Variants in SYTL5 observed in about 807,000 individuals in gnomAD.
SYTL5 encodes synaptotagmin like 5.
SYTL5 carries 34 observed loss-of-function variants against 55.9 expected under a neutral mutation model. The observed-to-expected ratio is 0.61, with a 90% confidence interval of 0.46 to 0.81. The LOEUF is 0.81. Ranked by LOEUF, SYTL5 falls within the 30% of genes least tolerant of loss-of-function variation. The pLI, the probability that SYTL5 is intolerant of heterozygous loss-of-function variation, is 0.00. For synonymous variants in SYTL5, 221 were observed against 188.7 expected (o/e 1.17, Z -1.40); for missense variants, 637 against 546.7 (o/e 1.17, Z -1.65).
At chrX:38,027,189 A>C (rs1233654187) in intron 1 of SYTL5, among the ~76,000 whole-genome samples, 3 of 111,887 alleles carry the variant, frequency 2.7e-5, no homozygotes, top group South Asian at 7.4e-4. Context: ...ATTTAAGAAA[A>C]TTTTCAGTAA....
At chrX:38,082,346 T>C (rs916304330) in intron 6 of SYTL5, among the ~76,000 whole-genome samples, 4 of 112,304 alleles carry the variant, frequency 3.6e-5, no homozygotes, top group South Asian at 3.7e-4. Context: ...TTATGTGACA[T>C]GTTACCACTC....
rs777421527 is a variant in SYTL5 at position 38,054,420 on chromosome X, C to T, written c.327C>T (p.Ile109=). 14 of 1,204,987 alleles carry T rather than the reference C, an allele frequency of 1.2e-5. No homozygotes were observed. Among genetic ancestry groups the T allele is most frequent in the South Asian group, 1.8e-5 (1 of 56,470 alleles). ...GGAAGTGCACTGTCTGTGACAAAAT[C>T]GCGTGAGTTTCTTGATTTTTCATGG... The part of the protein sequence containing the change: ...GSWKCTVCDK[I]AQLRIITGEW... Residue 109 remains isoleucine, a splice_region_variant and synonymous_variant, in exon 3 of 17, where the codon ATC becomes ATT. Transcript: ENST00000297875.
At chrX:37,938,650 T>C in the SYTL5 span, among the ~76,000 whole-genome samples, 2 of 111,250 alleles carry the variant, frequency 1.8e-5, no homozygotes, top group Non-Finnish European at 3.8e-5. Flanking sequence ...CTCACTCCTT[T>C]CCTCCTTCCT....
chrX:38,097,207 C>T (rs1005155571), intron 9 of SYTL5, among the ~76,000 whole-genome samples: 3 of 110,366 alleles, frequency 2.7e-5, no homozygotes, highest in Non-Finnish European at 5.7e-5. Flanking sequence ...AAGTTTTATG[C>T]TAAGTATGGG....
At chrX:38,020,912 C>A (rs1047391046) in intron 1 of SYTL5, among the ~76,000 whole-genome samples, 1 of 111,557 alleles carries the variant, frequency 9.0e-6, no homozygotes, top group Non-Finnish European at 1.9e-5. Context: ...AACTGAGATG[C>A]AAAGACAAAG....
the SYTL5 span, among the ~76,000 whole-genome samples, chrX:37,956,591 T>A: frequency 0.36 from 40,093 of 111,172 alleles, 5,196 homozygotes; most frequent in East Asian, 0.6. Context: ...GTCCACAAAG[T>A]TCATCTATGT....
chrX:37,901,212 A>G, the SYTL5 span, among the ~76,000 whole-genome samples: 1 of 112,212 alleles, frequency 8.9e-6, no homozygotes, highest in African/African-American at 3.2e-5. Flanking sequence ...AGTTCACCTT[A>G]CCTTGGGAGC....
the SYTL5 span, among the ~76,000 whole-genome samples, chrX:37,903,691 A>T: frequency 6.4e-5 from 7 of 110,190 alleles, no homozygotes; most frequent in African/African-American, 2.3e-4. Context: ...CCTAAAACTT[A>T]AAGTATAATA....
At chrX:38,039,647 G>C (rs1304938227) in intron 2 of SYTL5, among the ~76,000 whole-genome samples, 1 of 111,503 alleles carries the variant, frequency 9.0e-6, no homozygotes, top group Non-Finnish European at 1.9e-5. Flanking sequence ...AGTATATTGT[G>C]AGCTTTATTC....
At chrX:38,014,503 T>C (rs1934286986) in intron 1 of SYTL5, among the ~76,000 whole-genome samples, 1 of 112,156 alleles carries the variant, frequency 8.9e-6, no homozygotes, top group Non-Finnish European at 1.9e-5. Context: ...ACAAAGTTTA[T>C]TTTGCCAAGA....
At chrX:38,026,606 T>C (rs967933065) in intron 1 of SYTL5, among the ~76,000 whole-genome samples, 1 of 112,495 alleles carries the variant, frequency 8.9e-6, no homozygotes, top group Non-Finnish European at 1.9e-5. Flanking sequence ...CTTGATTATA[T>C]GCTAAACAAG....
the SYTL5 span, among the ~76,000 whole-genome samples, chrX:37,939,364 C>G: frequency 1.2e-4 from 13 of 111,779 alleles, no homozygotes; most frequent in South Asian, 1.5e-3. Flanking sequence ...AAATTTATAC[C>G]TAGGCTTAAC....
At chrX:38,026,146 A>G (rs1363848840) in intron 1 of SYTL5, among the ~76,000 whole-genome samples, 3 of 112,395 alleles carry the variant, frequency 2.7e-5, no homozygotes, top group Admixed American at 9.4e-5. Context: ...GGGAACAAAC[A>G]ACTATTTTCA....
At chrX:38,012,534 A>G (rs1486165877) in intron 1 of SYTL5, among the ~76,000 whole-genome samples, 1 of 111,796 alleles carries the variant, frequency 8.9e-6, no homozygotes, top group Admixed American at 9.5e-5. Flanking sequence ...ATAAACTTTA[A>G]ATCCAAATAT....
the SYTL5 span, among the ~76,000 whole-genome samples, chrX:37,929,264 G>T: frequency 9.5e-3 from 1,057 of 111,192 alleles, 11 homozygotes; most frequent in African/African-American, 0.033. Flanking sequence ...GAGAGCACAA[G>T]ACAGAGGTCA....
chrX:38,114,604 A>T (rs1937440163), intron 13 of SYTL5, among the ~76,000 whole-genome samples: 1 of 111,979 alleles, frequency 8.9e-6, no homozygotes, highest in African/African-American at 3.2e-5. Flanking sequence ...TGGTTTCTAA[A>T]TATGTATATA....
chrX:38,076,782 T>C, intron 6 of SYTL5, 81 bp downstream of exon 6: 1 of 1,014,872 alleles, frequency 9.9e-7, no homozygotes, highest in Non-Finnish European at 1.4e-6. Flanking sequence ...ATTTTAGGTA[T>C]CTGTGAAATA....
chrX:37,937,636 A>T, the SYTL5 span, among the ~76,000 whole-genome samples: 10 of 112,268 alleles, frequency 8.9e-5, no homozygotes, highest in Admixed American at 9.4e-4. Context: ...TATGGCCTAC[A>T]CAACTGTGAG....
intron 13 of SYTL5, among the ~76,000 whole-genome samples, chrX:38,117,314 A>G (rs773924260): frequency 2.7e-5 from 3 of 112,216 alleles, no homozygotes; most frequent in African/African-American, 9.7e-5. Flanking sequence ...CTTGAAGTCT[A>G]TATTTATACG....
Sources: gnomAD v4.1 joint callset for allele counts (sites outside exome capture counted in the v4.1 genomes callset) on GRCh38, gnomAD v4.1.1 for gene constraint, MANE v1.5 for transcripts, NCBI Gene and HGNC (gene_info 2026-07-23, HGNC 2026-07-21) for gene names.